LRRTM4: variants seen among roughly 807,000 people sequenced by gnomAD.
The protein encoded by LRRTM4 is leucine-rich repeat transmembrane neuronal protein 4.
A neutral mutation model predicts 47.6 loss-of-function variants in LRRTM4; 25 were observed. The observed-to-expected ratio is 0.53, with a 90% CI of 0.38 to 0.73. The LOEUF (loss-of-function observed/expected upper bound fraction) is 0.73, where lower values mean the gene tolerates loss of function less well. Among genes scored for constraint, LRRTM4 ranks in the 30% least tolerant of loss-of-function variants. The pLI is 0.00. For synonymous variants in LRRTM4, 311 were observed against 269.5 expected, an observed-to-expected ratio of 1.15 and a Z score of -1.51; for missense variants, 638 against 713.4, an observed-to-expected ratio of 0.89 and a Z score of 1.20.
At chr2:77,509,360 A>G (rs1221693140) in intron 3 of LRRTM4, among the ~76,000 whole-genome samples, 1 of 152,162 alleles carries the variant, frequency 6.6e-6, no homozygotes, top group African/African-American at 2.4e-5. Context: ...CTTTAGACAT[A>G]GTAACAACAA....
chr2:76,821,407 C>G (rs899464338), intron 3 of LRRTM4, among the ~76,000 whole-genome samples: 1 of 151,594 alleles, frequency 6.6e-6, no homozygotes, highest in Non-Finnish European at 1.5e-5. Flanking sequence ...CACTTGAGGA[C>G]AGATGTCTAG....
At chr2:77,261,260 C>A (rs1053419192) in intron 3 of LRRTM4, among the ~76,000 whole-genome samples, 2 of 152,054 alleles carry the variant, frequency 1.3e-5, no homozygotes, top group African/African-American at 4.8e-5. Flanking sequence ...AATTTACACT[C>A]ACCAAATATT....
At chr2:77,215,496 C>A (rs543622690) in intron 3 of LRRTM4, among the ~76,000 whole-genome samples, 3 of 152,252 alleles carry the variant, frequency 2.0e-5, no homozygotes, top group East Asian at 3.9e-4. Flanking sequence ...GTATCTTTAA[C>A]AGGGGAGAAT....
At chr2:77,492,658 T>C in intron 3 of LRRTM4, among the ~76,000 whole-genome samples, 1 of 152,108 alleles carries the variant, frequency 6.6e-6, no homozygotes, top group East Asian at 1.9e-4. Flanking sequence ...TATAAAAACC[T>C]ATTCATACTA....
In LRRTM4 at chr2:77,081,247, AACACACACACAC is replaced by A. The variant is rs58897041; in HGVS notation, c.1552-332343_1552-332332del. Among the ~76,000 whole-genome samples the A allele has an allele frequency of 7.1e-3, 994 of 139,978 alleles. 13 individuals carry two copies. The highest frequency in any genetic ancestry group is 0.033 in the East Asian group (161 of 4,886). 91.8% of individuals were successfully genotyped at this position (139,978 alleles called of 152,430 possible). A position where few individuals can be genotyped will look rare whatever the true frequency, so the allele number is the denominator to read the frequency against. The stretch of plus-strand genomic sequence containing the variant: ...CCAGCACCGAAAAATACCTGACAGC[AACACACACACAC>A]ACACACACACACACACACACACACA... On this transcript the variant is annotated intron_variant, in intron 3 of 3. Coordinates refer to ENST00000409884, the MANE Select transcript of LRRTM4 (RefSeq NM_001134745.3).
At chr2:76,751,211 A>G (rs910054302) in intron 3 of LRRTM4, among the ~76,000 whole-genome samples, 10 of 152,136 alleles carry the variant, frequency 6.6e-5, no homozygotes, top group Admixed American at 5.2e-4. Flanking sequence ...TGTTTTTACT[A>G]TTCACTTCTA....
intron 3 of LRRTM4, among the ~76,000 whole-genome samples, chr2:77,072,180 C>A (rs931431040): frequency 2.0e-5 from 3 of 151,790 alleles, no homozygotes; most frequent in Non-Finnish European, 4.4e-5. Context: ...AATTTAAGAT[C>A]CCAGATTGAG....
chr2:76,937,490 G>A (rs541070186), intron 3 of LRRTM4, among the ~76,000 whole-genome samples: 3 of 152,168 alleles, frequency 2.0e-5, no homozygotes, highest in Admixed American at 6.5e-5. Context: ...TTGAGCTAAT[G>A]CATCAAATCA....
intron 3 of LRRTM4, among the ~76,000 whole-genome samples, chr2:76,973,112 A>C (rs1384970825): frequency 6.6e-6 from 1 of 151,764 alleles, no homozygotes; most frequent in African/African-American, 2.4e-5. Flanking sequence ...AGTAAGATAT[A>C]AATTAATTTT....
chr2:77,236,161 CTTTTCCATTTGTT>C (rs1182185825), intron 3 of LRRTM4, among the ~76,000 whole-genome samples: 1 of 151,950 alleles, frequency 6.6e-6, no homozygotes, highest in African/African-American at 2.4e-5. Context: ...ACATGGAATG[CTTTTCCATTTGTT>C]TGTGTCATCT....
chr2:76,964,883 TTAAAA>T (rs1326847955), intron 3 of LRRTM4, among the ~76,000 whole-genome samples: 1 of 150,440 alleles, frequency 6.6e-6, no homozygotes, highest in Non-Finnish European at 1.5e-5. Flanking sequence ...CCCATGGACA[TTAAAA>T]TAATAACAAA....
intron 3 of LRRTM4, among the ~76,000 whole-genome samples, chr2:76,893,454 TAATA>T (rs1421988145): frequency 6.6e-6 from 1 of 151,682 alleles, no homozygotes; most frequent in African/African-American, 2.4e-5. Flanking sequence ...AAATAATAAA[TAATA>T]ACTAACAACC....
chr2:77,298,484 G>C (rs904118034), intron 3 of LRRTM4, among the ~76,000 whole-genome samples: 1 of 152,102 alleles, frequency 6.6e-6, no homozygotes, highest in Non-Finnish European at 1.5e-5. Context: ...TGATCCGCCC[G>C]CCTCGGCCTC....
intron 3 of LRRTM4, among the ~76,000 whole-genome samples, chr2:77,191,033 G>A (rs1461203377): frequency 2.0e-5 from 3 of 151,970 alleles, no homozygotes; most frequent in African/African-American, 4.8e-5. Flanking sequence ...AATCTAATAC[G>A]TTTGACTTAA....
At chr2:77,073,161 T>A (rs1680217427) in intron 3 of LRRTM4, among the ~76,000 whole-genome samples, 1 of 151,710 alleles carries the variant, frequency 6.6e-6, no homozygotes, top group African/African-American at 2.4e-5. Context: ...TATTAAATAT[T>A]TGCTGGTTCT....
At chr2:76,773,956 T>G (rs62170454) in intron 3 of LRRTM4, among the ~76,000 whole-genome samples, 1 of 151,948 alleles carries the variant, frequency 6.6e-6, no homozygotes, top group South Asian at 2.1e-4. Context: ...GAGATAATTA[T>G]AGCTGTTTGA....
At chr2:77,310,305 C>A (rs1232362993) in intron 3 of LRRTM4, among the ~76,000 whole-genome samples, 2 of 152,002 alleles carry the variant, frequency 1.3e-5, no homozygotes, top group Non-Finnish European at 2.9e-5. Flanking sequence ...CAGCAACATA[C>A]ACACACATAT....
At chr2:76,922,418 G>C (rs1674461046) in intron 3 of LRRTM4, among the ~76,000 whole-genome samples, 1 of 151,994 alleles carries the variant, frequency 6.6e-6, no homozygotes, top group Non-Finnish European at 1.5e-5. Context: ...CAAACAATCA[G>C]ATCTTATGAG....
At chr2:77,218,988 A>G (rs1376707811) in intron 3 of LRRTM4, among the ~76,000 whole-genome samples, 2 of 152,252 alleles carry the variant, frequency 1.3e-5, no homozygotes, top group Admixed American at 6.5e-5. Context: ...AGGCGCTGCC[A>G]GAGTACACTG....
Sources: allele counts gnomAD v4.1 joint callset (sites outside exome capture counted in the v4.1 genomes callset), GRCh38; gene constraint gnomAD v4.1.1; transcripts MANE v1.5; gene names NCBI Gene and HGNC (gene_info 2026-07-23, HGNC 2026-07-21).